CCSER1: variants seen among roughly 807,000 people sequenced by gnomAD.
CCSER1 encodes coiled-coil serine rich protein 1.
Under a neutral mutation model 82.0 loss-of-function variants are expected in CCSER1, and 41 were observed. The ratio of observed to expected loss-of-function variants is 0.50; its 90% CI spans 0.39 to 0.65. The LOEUF is 0.65. Among genes scored for constraint, CCSER1 ranks in the 30% least tolerant of loss-of-function variants. The probability of loss-of-function intolerance (pLI) is 0.00; values close to 1 mark genes in which losing one functional copy is unlikely to be tolerated. For missense variants in CCSER1, 1,119 were observed against 1,064.2 expected (o/e 1.05, Z -0.72); for synonymous variants, 414 against 383.9 (o/e 1.08, Z -0.92).
At chr4:91,324,653 A>C (rs1437854580) in intron 10 of CCSER1, among the ~76,000 whole-genome samples, 2 of 152,184 alleles carry the variant, frequency 1.3e-5, no homozygotes, top group Non-Finnish European at 2.9e-5. Flanking sequence ...AGTAATAAAC[A>C]AACAAAATAT....
intron 8 of CCSER1, among the ~76,000 whole-genome samples, chr4:90,916,425 A>G (rs1052811922): frequency 3.9e-4 from 59 of 152,148 alleles, no homozygotes; most frequent in African/African-American, 1.3e-3. Flanking sequence ...AGGATTCCCT[A>G]TTTAACAAAT....
intron 5 of CCSER1, among the ~76,000 whole-genome samples, chr4:90,616,777 T>G (rs994039675): frequency 6.6e-6 from 1 of 150,810 alleles, no homozygotes; most frequent in Non-Finnish European, 1.5e-5. Flanking sequence ...GAAAAAATGT[T>G]TTAGGTTAAA....
intron 9 of CCSER1, among the ~76,000 whole-genome samples, chr4:91,016,806 G>A (rs1262045966): frequency 6.6e-6 from 1 of 152,094 alleles, no homozygotes. Flanking sequence ...AAGATATGGT[G>A]TTAGAAAGAT....
At chr4:91,094,368 C>A (rs538167830) in intron 10 of CCSER1, among the ~76,000 whole-genome samples, 6 of 152,172 alleles carry the variant, frequency 3.9e-5, no homozygotes, top group Non-Finnish European at 7.3e-5. Context: ...AAGAAGGCAT[C>A]CTTCAAGTCC....
At chr4:91,428,138 A>C (rs997757730) in intron 10 of CCSER1, among the ~76,000 whole-genome samples, 1 of 152,072 alleles carries the variant, frequency 6.6e-6, no homozygotes, top group Non-Finnish European at 1.5e-5. Context: ...AATAAAACAG[A>C]TTTCCACAGC....
intron 10 of CCSER1, among the ~76,000 whole-genome samples, chr4:91,197,458 G>A (rs911219030): frequency 1.3e-5 from 2 of 152,168 alleles, no homozygotes; most frequent in African/African-American, 4.8e-5. Flanking sequence ...GCATGTGACT[G>A]TTGGGCACTT....
chr4:90,642,916 AG>A (rs1308659223), intron 6 of CCSER1, among the ~76,000 whole-genome samples: 4 of 151,830 alleles, frequency 2.6e-5, no homozygotes, highest in Non-Finnish European at 5.9e-5. Context: ...TTAAAGTAAA[AG>A]TGCTCAAGAT....
At chr4:91,149,084 T>C (rs1170843195) in intron 10 of CCSER1, among the ~76,000 whole-genome samples, 1 of 152,178 alleles carries the variant, frequency 6.6e-6, no homozygotes, top group African/African-American at 2.4e-5. Context: ...TTGAACTAGT[T>C]TACAGTCCCA....
chr4:90,512,741 C>A (rs187555198), intron 5 of CCSER1, among the ~76,000 whole-genome samples: 158 of 152,122 alleles, frequency 1.0e-3, no homozygotes, highest in African/African-American at 3.3e-3. Flanking sequence ...CTGATCTAAT[C>A]ATATTTAGAA....
chr4:91,008,865 T>C (rs1269169877), intron 9 of CCSER1, among the ~76,000 whole-genome samples: 1 of 152,168 alleles, frequency 6.6e-6, no homozygotes, highest in Admixed American at 6.5e-5. Context: ...GCCTCATGGA[T>C]TCCAAGGAAT....
rs142715687 is a variant in CCSER1, at chr4:90,997,503, C to G, written c.2172+74056C>G. On this transcript the variant is annotated intron_variant, in intron 9 of 10. Coordinates refer to ENST00000509176, the MANE Select transcript of CCSER1 (RefSeq NM_001145065.2). Reference sequence around the variant, plus strand: ...TATAAGTAAAGTAACATATTTACAGCTTCTGGGGATTAGGGCATAGACATC... The same window carrying G: ...TATAAGTAAAGTAACATATTTACAGGTTCTGGGGATTAGGGCATAGACATC... Among the ~76,000 whole-genome samples, 84 of 152,228 alleles carry G rather than the reference C, an allele frequency of 5.5e-4. 2 individuals carry two copies. In the East Asian group the frequency reaches 0.016, roughly 28 times the overall value.
At chr4:91,086,105 T>G in intron 10 of CCSER1, 111 bp downstream of exon 10, 1 of 691,708 alleles carries the variant, frequency 1.4e-6, no homozygotes, top group East Asian at 2.7e-5. Context: ...GAAATGGAGA[T>G]GCATTGAAGA....
intron 10 of CCSER1, among the ~76,000 whole-genome samples, chr4:91,231,917 T>A (rs960623116): frequency 1.3e-5 from 2 of 151,770 alleles, no homozygotes; most frequent in African/African-American, 2.4e-5. Context: ...TGTAAATAAA[T>A]GCATCCTAAG....
chr4:90,731,442 A>G (rs1228145200), intron 7 of CCSER1, among the ~76,000 whole-genome samples: 2 of 152,226 alleles, frequency 1.3e-5, no homozygotes, highest in African/African-American at 2.4e-5. Context: ...TATCTGCCAG[A>G]TAACTGAAAG....
chr4:90,553,680 A>G (rs1273526782), intron 5 of CCSER1, among the ~76,000 whole-genome samples: 1 of 152,102 alleles, frequency 6.6e-6, no homozygotes, highest in East Asian at 1.9e-4. Context: ...AAATAATCTT[A>G]TTTTACTTTG....
At position 91,392,363 on chromosome 4, in the gene CCSER1, G is replaced by GCACACACGCACACACACACA. The variant is rs58770768; in HGVS notation, c.2218-206202_2218-206201insGCACACACACACACACACAC. Among the ~76,000 whole-genome samples, 83 of 148,214 alleles carry GCACACACGCACACACACACA rather than the reference G, an allele frequency of 5.6e-4. 1 individual carries two copies. The highest frequency in any genetic ancestry group is 6.4e-4 in the South Asian group (3 of 4,662). ...AGTTAGCAATATGAAACCTACACATGCACACACACACACACACACACACAC... is the reference window on the plus strand; with the variant it reads ...AGTTAGCAATATGAAACCTACACATGCACACACGCACACACACACACACACACACACACACACACACACAC... On this transcript the variant is annotated intron_variant, in intron 10 of 10. Transcript: ENST00000509176.
In CCSER1 at chr4:91,296,483, A is replaced by ATATATATATTTATTTATTTATT. The variant is rs1175690764; in HGVS notation, c.2217+210492_2217+210493insATATATTTATTTATTTATTTAT. 2.1e-4 allele frequency among the ~76,000 whole-genome samples: 26 copies of ATATATATATTTATTTATTTATT among 124,060 alleles called. 1 individual carries two copies. Among genetic ancestry groups the ATATATATATTTATTTATTTATT allele is most frequent in the Admixed American group, 1.3e-3 (17 of 12,912 alleles). 81.4% of individuals were successfully genotyped at this position (124,060 alleles called of 152,430 possible). ...TATATATATGTATATATATATATAT[A>ATATATATATTTATTTATTTATT]TATTTTAATTAAATATACAGTTATC... On this transcript the variant is annotated intron_variant, in intron 10 of 10. Coordinates refer to ENST00000509176, the MANE Select transcript of CCSER1 (RefSeq NM_001145065.2).
At chr4:90,242,446 T>G (rs1471041917) in intron 1 of CCSER1, among the ~76,000 whole-genome samples, 1 of 152,142 alleles carries the variant, frequency 6.6e-6, no homozygotes, top group Non-Finnish European at 1.5e-5. Context: ...TACGAAGAAA[T>G]GTACAAAATA....
At chr4:90,964,065 C>A (rs947826208) in intron 9 of CCSER1, among the ~76,000 whole-genome samples, 2 of 152,188 alleles carry the variant, frequency 1.3e-5, no homozygotes, top group South Asian at 4.1e-4. Context: ...TTGTGGAGAG[C>A]AAATTATATA....
Sources: allele counts gnomAD v4.1 joint callset (sites outside exome capture counted in the v4.1 genomes callset), GRCh38; gene constraint gnomAD v4.1.1; transcripts MANE v1.5; gene names NCBI Gene and HGNC (gene_info 2026-07-23, HGNC 2026-07-21).